MACROH2A2: variants seen among roughly 807,000 people sequenced by gnomAD.
The protein encoded by MACROH2A2 is core histone macro-H2A.2.
A neutral mutation model predicts 37.6 loss-of-function variants in MACROH2A2; 6 were observed. The observed-to-expected ratio is 0.16, with a 90% CI of 0.09 to 0.32. The LOEUF is 0.32. Ranked by LOEUF, MACROH2A2 falls within the 10% of genes least tolerant of loss-of-function variation. MACROH2A2 has a pLI of 1.00. For synonymous variants in MACROH2A2, 192 were observed against 202.7 expected, an observed-to-expected ratio of 0.95 and a Z score of 0.45; for missense variants, 290 against 485.9, an observed-to-expected ratio of 0.60 and a Z score of 3.79.
chr10:70,109,189 C>T lies in MACROH2A2; in HGVS notation c.935C>T (p.Pro312Leu), dbSNP rs2072355569. ...AAGAAGCTAAAGTCCGTCGCGTTCC[C>T]GCCTTTCCCCAGCGGCAGGTAAGAT... The part of the protein sequence containing the change: ...EDKKLKSVAF[P>L]PFPSGRNCFP... Residue 312 changes from proline (P) to leucine (L), a missense_variant, in exon 8 of 9, where the codon CCG becomes CTG. Pro to Leu is a moderately conservative substitution (Grantham distance 98). Coordinates refer to ENST00000373255, the MANE Select transcript of MACROH2A2 (RefSeq NM_018649.3). The T allele has an allele frequency of 2.5e-6, 4 of 1,614,042 alleles. No individual in the cohort carries two copies. Among genetic ancestry groups the T allele is most frequent in the Non-Finnish European group, 3.4e-6 (4 of 1,179,940 alleles).
At chr10:70,082,425 AAAAAAG>A (rs1034710529) in intron 2 of MACROH2A2, among the ~76,000 whole-genome samples, 7 of 151,972 alleles carry the variant, frequency 4.6e-5, no homozygotes, top group African/African-American at 1.7e-4. Context: ...TCAAAAAAAA[AAAAAAG>A]AAAAAAGAAA....
chr10:70,068,051 G>C (rs369305255), intron 1 of MACROH2A2, among the ~76,000 whole-genome samples: 15 of 152,010 alleles, frequency 9.9e-5, no homozygotes, highest in African/African-American at 3.4e-4. Context: ...CTCTCAATGA[G>C]ACCAATGAGT....
chr10:70,075,565 T>C lies in MACROH2A2; in HGVS notation c.-59-35T>C, dbSNP rs765240221. The C allele has an allele frequency of 9.2e-5, 116 of 1,259,758 alleles. No homozygotes were observed. The highest frequency in any genetic ancestry group is 1.3e-4 in the Non-Finnish European group (114 of 877,124). The allele number at this position is 1,259,758 out of a possible 1,614,324, so 78.0% of individuals were successfully genotyped here. A position where few individuals can be genotyped will look rare whatever the true frequency, so the allele number is the denominator to read the frequency against. On this transcript the variant is annotated intron_variant, in intron 1 of 8. Transcript: ENST00000373255. The surrounding 1 kb of genome is among the most constrained non-coding windows in gnomAD (Gnocchi z 5.0). ...CACTGTGCCCAAGATGTTTGCCAAC[T>C]ACCCTTCCTCAACTCTGTCTTCTTT...
intron 2 of MACROH2A2, among the ~76,000 whole-genome samples, chr10:70,079,557 G>T: frequency 9.2e-6 from 1 of 108,694 alleles, no homozygotes; most frequent in Admixed American, 9.2e-5. Context: ...GGGTTCGCGC[G>T]CGCGCGCGCA....
intron 2 of MACROH2A2, among the ~76,000 whole-genome samples, chr10:70,080,910 A>AC (rs1383640221): frequency 6.8e-6 from 1 of 146,884 alleles, no homozygotes; most frequent in African/African-American, 2.5e-5. Context: ...AAAAAAAAAA[A>AC]AAACCTAACT....
rs150547609 is a variant in MACROH2A2, at chr10:70,075,668, C to T, written c.10C>T (p.Arg4Trp). 3.7e-6 allele frequency: 6 copies of T among 1,613,974 alleles called. No homozygotes were observed. Among genetic ancestry groups the T allele is most frequent in the Non-Finnish European group, 4.2e-6 (5 of 1,179,946 alleles). The change falls in exon 2 of 9, where the codon CGG becomes TGG. Residue 4 changes from arginine (R) to tryptophan (W), a missense_variant. Arg to Trp is a moderately radical substitution (Grantham distance 101). Transcript: ENST00000373255. This position sits in a 1 kb window ranked among gnomAD's most constrained non-coding sequence, Gnocchi z 5.0. MSG[R>W]SGKKKMSKLS... ...GGGAAACTGAAGCAAGATGTCGGGCCGGAGTGGGAAGAAGAAAATGTCCAA... is the reference window on the plus strand; with the variant it reads ...GGGAAACTGAAGCAAGATGTCGGGCTGGAGTGGGAAGAAGAAAATGTCCAA...
intron 6 of MACROH2A2, among the ~76,000 whole-genome samples, chr10:70,097,006 C>T (rs1307246846): frequency 6.6e-6 from 1 of 152,192 alleles, no homozygotes; most frequent in Non-Finnish European, 1.5e-5. Context: ...ATACTTTACA[C>T]ATTTCTATAG....
At chr10:70,079,157 C>T (rs951239634) in intron 2 of MACROH2A2, among the ~76,000 whole-genome samples, 1 of 152,094 alleles carries the variant, frequency 6.6e-6, no homozygotes, top group African/African-American at 2.4e-5. Flanking sequence ...GAAGGGCTGC[C>T]TAATCTAACA....
At chr10:70,082,349 C>T (rs952977684) in intron 2 of MACROH2A2, among the ~76,000 whole-genome samples, 5 of 149,798 alleles carry the variant, frequency 3.3e-5, no homozygotes, top group Non-Finnish European at 7.4e-5. Flanking sequence ...ACCCGGGAGG[C>T]GGAGGTTGCG....
intron 1 of MACROH2A2, among the ~76,000 whole-genome samples, chr10:70,072,344 A>G (rs937197095): frequency 1.3e-4 from 20 of 152,268 alleles, no homozygotes; most frequent in Admixed American, 6.5e-5. Context: ...AGGGTCATCA[A>G]TAACACTGTC....
intron 7 of MACROH2A2, 88 bp downstream of exon 7, chr10:70,100,385 C>A: frequency 1.4e-6 from 1 of 702,106 alleles, no homozygotes; most frequent in Non-Finnish European, 2.5e-6. Context: ...GCCTATTCAG[C>A]TTATGAGTCA....
At chr10:70,062,705 C>A (rs2072056890) in intron 1 of MACROH2A2, among the ~76,000 whole-genome samples, 1 of 152,162 alleles carries the variant, frequency 6.6e-6, no homozygotes, top group East Asian at 1.9e-4. Context: ...AGCTCCCAAT[C>A]CTCAAATTAC....
At chr10:70,105,124 CATTT>C (rs1166773247) in intron 7 of MACROH2A2, among the ~76,000 whole-genome samples, 2 of 152,204 alleles carry the variant, frequency 1.3e-5, no homozygotes, top group Admixed American at 6.5e-5. Context: ...GACTTTCATT[CATTT>C]GTTGAATATT....
At chr10:70,068,906 T>C (rs954168511) in intron 1 of MACROH2A2, among the ~76,000 whole-genome samples, 1 of 152,218 alleles carries the variant, frequency 6.6e-6, no homozygotes, top group Admixed American at 6.5e-5. Context: ...AAGGGTCATA[T>C]AAATTTAACA....
At chr10:70,101,190 A>G (rs2136640743) in intron 7 of MACROH2A2, among the ~76,000 whole-genome samples, 1 of 152,316 alleles carries the variant, frequency 6.6e-6, no homozygotes, top group Non-Finnish European at 1.5e-5. Context: ...CAGGCTATTT[A>G]TTGGTGATCA....
intron 4 of MACROH2A2, among the ~76,000 whole-genome samples, chr10:70,092,913 C>T (rs1194884890): frequency 6.6e-6 from 1 of 152,090 alleles, no homozygotes; most frequent in African/African-American, 2.4e-5. Context: ...TTTGGGTTAG[C>T]TTGATATACT....
chr10:70,098,772 G>C (rs1336319296), intron 6 of MACROH2A2: 1 of 152,426 alleles, frequency 6.6e-6, no homozygotes, highest in African/African-American at 2.4e-5. Context: ...CTGTATTGGT[G>C]TGATGCTGGT....
chr10:70,095,634 A>G lies in MACROH2A2; in HGVS notation c.589-20A>G. The G allele has an allele frequency of 3.5e-6, 4 of 1,127,630 alleles. No individual in the cohort carries two copies. Among genetic ancestry groups the G allele is most frequent in the Non-Finnish European group, 5.4e-6 (4 of 744,036 alleles). 69.9% of individuals were successfully genotyped at this position (1,127,630 alleles called of 1,614,324 possible). On this transcript the variant is annotated intron_variant, in intron 5 of 8. Transcript: ENST00000373255. ...GAATTTTATCTTTTCCACATTCACC[A>G]CCTTTTCTTCCTAATGCAGCTGTCC...
Position 70,079,561 on chromosome 10 carries a change from G to GCACA in MACROH2A2, c.172+3732_172+3733insACAC, listed in dbSNP as rs1437308027. Among the ~76,000 whole-genome samples, 274 of 83,630 alleles carry GCACA rather than the reference G, an allele frequency of 3.3e-3. 2 individuals are homozygous for GCACA. The highest frequency in any genetic ancestry group is 0.011 in the African/African-American group (247 of 21,688). The allele number at this position is 83,630 out of a possible 152,430, so 54.9% of individuals were successfully genotyped here. The stretch of plus-strand genomic sequence containing the variant: ...GGCCACGTTGAGGGTTCGCGCGCGC[G>GCACA]CGCGCACACACACACACACACACAC... On this transcript the variant is annotated intron_variant, in intron 2 of 8. Coordinates refer to ENST00000373255, the MANE Select transcript of MACROH2A2 (RefSeq NM_018649.3).
Sources: gnomAD v4.1 joint callset for allele counts (sites outside exome capture counted in the v4.1 genomes callset) on GRCh38, gnomAD v4.1.1 for gene constraint, Gnocchi (gnomAD v3.1) non-coding constraint, MANE v1.5 for transcripts, NCBI Gene and HGNC (gene_info 2026-07-23, HGNC 2026-07-21) for gene names.